ZFR: variants seen among roughly 807,000 people sequenced by gnomAD.
The protein encoded by ZFR is zinc finger RNA-binding protein.
In ZFR, 19 loss-of-function variants were observed where a neutral mutation model predicts 130.7. The ratio of observed to expected loss-of-function variants is 0.15; its 90% confidence interval spans 0.10 to 0.21. The LOEUF is 0.21. ZFR is among the 10% of genes least tolerant of loss of function. The pLI is 1.00. For synonymous variants in ZFR, 466 were observed against 456.9 expected, an observed-to-expected ratio of 1.02 and a Z score of -0.25; for missense variants, 872 against 1,321.5, an observed-to-expected ratio of 0.66 and a Z score of 5.27.
chr5:32,384,528 T>G (rs552311348), intron 15 of ZFR, among the ~76,000 whole-genome samples: 7 of 152,222 alleles, frequency 4.6e-5, no homozygotes, highest in African/African-American at 1.7e-4. Context: ...ATTGAGAGAC[T>G]ACTGATGCTA....
At chr5:32,429,484 A>C (rs192172607) in intron 2 of ZFR, among the ~76,000 whole-genome samples, 121 of 152,306 alleles carry the variant, frequency 7.9e-4, no homozygotes, top group African/African-American at 2.8e-3. Context: ...TCTTAGGCAC[A>C]AGACAGTCTT....
intron 2 of ZFR, among the ~76,000 whole-genome samples, chr5:32,433,975 G>A (rs965028765): frequency 2.0e-5 from 3 of 152,198 alleles, no homozygotes; most frequent in African/African-American, 7.2e-5. Flanking sequence ...AGGCTGAGGA[G>A]GGAGGATCAC....
rs545723194 is a variant in ZFR, at chr5:32,368,824, G to T, written c.2836-4549C>A. Among the ~76,000 whole-genome samples the T allele has an allele frequency of 4.7e-4, 72 of 152,312 alleles. No individual in the cohort carries two copies. In the South Asian group the frequency reaches 0.015, roughly 31 times the overall value. ...CCATTATAATCACATTCTGAAGGTA[G>T]ATATGACTATCATTCCCATTTTACA... On this transcript the variant is annotated intron_variant, in intron 17 of 19. Coordinates refer to ENST00000265069, the MANE Select transcript of ZFR (RefSeq NM_016107.5).
intron 5 of ZFR, among the ~76,000 whole-genome samples, chr5:32,407,490 A>T (rs766969232): frequency 6.6e-6 from 1 of 151,574 alleles, no homozygotes; most frequent in Non-Finnish European, 1.5e-5. Context: ...AAAGAGATAA[A>T]AGAAGAGGAA....
At position 32,400,047 on chromosome 5, in the gene ZFR, T is replaced by C. The variant is rs1489041793; in HGVS notation, c.1673A>G (p.Gln558Arg). The C allele has an allele frequency of 1.2e-6, 2 of 1,612,804 alleles. No individual in the cohort carries two copies. The highest frequency in any genetic ancestry group is 1.7e-6 in the Non-Finnish European group (2 of 1,179,380). ...PVTPASLAAL[Q>R]SDVQPVGHDY... ...ATGGCCCACTGGCTGCACATCACTC[T>C]GTAAAGCAGCAAGAGATGCAGGTGT... The change falls in exon 9 of 20, where the codon CAG (glutamine) becomes CGG (arginine). Residue 558 changes from glutamine (Q) to arginine (R), a missense_variant. Gln to Arg is a conservative substitution (Grantham distance 43). Transcript: ENST00000265069.
intron 15 of ZFR, 52 bp downstream of exon 15, chr5:32,385,456 A>C: frequency 2.5e-6 from 4 of 1,598,086 alleles, no homozygotes; most frequent in Non-Finnish European, 2.6e-6. Flanking sequence ...TAAAGAGTAG[A>C]TAAATGAAAA....
rs114515443 is a variant in ZFR, at chr5:32,426,562, A to C, written c.138-6459T>G. On this transcript the variant is annotated intron_variant, in intron 2 of 19. Coordinates refer to ENST00000265069, the MANE Select transcript of ZFR (RefSeq NM_016107.5). Reference sequence around the variant, plus strand: ...TGCTTTTACTGCTTCTATTCAACACAGTACTTAAGTTCCAGCCAAAGCAAT... The same window carrying C: ...TGCTTTTACTGCTTCTATTCAACACCGTACTTAAGTTCCAGCCAAAGCAAT... 5.5e-3 allele frequency among the ~76,000 whole-genome samples: 841 copies of C among 152,334 alleles called. 5 individuals are homozygous for C. The highest frequency in any genetic ancestry group is 0.02 in the African/African-American group (812 of 41,578).
At chr5:32,434,582 C>G (rs1468305888) in intron 2 of ZFR, among the ~76,000 whole-genome samples, 1 of 152,182 alleles carries the variant, frequency 6.6e-6, no homozygotes, top group Non-Finnish European at 1.5e-5. Context: ...CTGTACCACC[C>G]TTGTAGGTGA....
chr5:32,438,631 A>G (rs994040923), intron 2 of ZFR, among the ~76,000 whole-genome samples: 7 of 152,206 alleles, frequency 4.6e-5, no homozygotes, highest in African/African-American at 1.4e-4. Flanking sequence ...CCTGACAAGC[A>G]TAACAATCAT....
At chr5:32,399,479 C>T (rs1290131395) in intron 9 of ZFR, among the ~76,000 whole-genome samples, 3 of 152,158 alleles carry the variant, frequency 2.0e-5, no homozygotes, top group African/African-American at 7.2e-5. Context: ...TGTCTTTCTG[C>T]TAACAGCAGG....
intron 19 of ZFR, among the ~76,000 whole-genome samples, chr5:32,359,201 C>CA (rs1239715315): frequency 1.3e-5 from 2 of 151,942 alleles, no homozygotes; most frequent in Non-Finnish European, 2.9e-5. Flanking sequence ...AAAATAAAAC[C>CA]AAAAAACCCC....
chr5:32,397,310 C>T lies in ZFR; in HGVS notation c.1742G>A (p.Arg581Gln). The change falls in exon 10 of 20, where the codon CGG becomes CAG. Residue 581 changes from arginine (R) to glutamine (Q), a missense_variant. Physicochemically the swap from Arg to Gln is conservative, Grantham distance 43. Around this residue, in one of 7 missense-constraint regions of ZFR, gnomAD observed 54 missense variants for 119.9 expected, o/e 0.45. Coordinates refer to ENST00000265069, the MANE Select transcript of ZFR (RefSeq NM_016107.5). ...GCACTCGCATAATTTACAATGGAAC[C>T]GAATTACTTTTCCTTCATCATTTCG... ...EVRNDEGKVI[R>Q]FHCKLCECSF... is the part of the protein sequence containing the mutation. The T allele has an allele frequency of 3.1e-6, 5 of 1,612,554 alleles. No individual in the cohort carries two copies. The highest frequency in any genetic ancestry group is 4.2e-6 in the Non-Finnish European group (5 of 1,179,338).
intron 2 of ZFR, among the ~76,000 whole-genome samples, chr5:32,434,298 A>AT (rs1443379964): frequency 1.3e-5 from 2 of 152,176 alleles, no homozygotes; most frequent in African/African-American, 4.8e-5. Context: ...GTAGCCTGAG[A>AT]TTTTCTGCTT....
In ZFR at chr5:32,420,069, G is replaced by A; in HGVS notation, c.172C>T (p.Pro58Ser). The change falls in exon 3 of 20, where the codon CCA becomes TCA. Residue 58 changes from proline (P) to serine (S), a missense_variant. Transcript: ENST00000265069. Reference protein sequence around the residue: ...QPASGVAYSHPTTVASYTVHQ... With the variant: ...QPASGVAYSHSTTVASYTVHQ... ...ACAGTGTAGCTAGCAACTGTAGTTG[G>A]ATGAGAATAGGCTACACCCGAAGCT... 1.9e-6 allele frequency: 3 copies of A among 1,609,520 alleles called. No homozygotes were observed. Among genetic ancestry groups the A allele is most frequent in the Non-Finnish European group, 2.5e-6 (3 of 1,177,234 alleles).
intron 5 of ZFR, among the ~76,000 whole-genome samples, chr5:32,407,901 C>T (rs1334955717): frequency 6.6e-6 from 1 of 152,060 alleles, no homozygotes; most frequent in African/African-American, 2.4e-5. Context: ...GCCACGTTGC[C>T]TAGGCCAGAC....
At chr5:32,402,359 C>T (rs1753469892) in intron 8 of ZFR, among the ~76,000 whole-genome samples, 1 of 152,154 alleles carries the variant, frequency 6.6e-6, no homozygotes, top group Non-Finnish European at 1.5e-5. Context: ...AAACTGAAAA[C>T]TGGCCACTGG....
intron 11 of ZFR, among the ~76,000 whole-genome samples, chr5:32,394,084 GAA>G (rs1406740430): frequency 6.6e-6 from 1 of 152,138 alleles, no homozygotes; most frequent in African/African-American, 2.4e-5. Flanking sequence ...GTATGTAAAT[GAA>G]AAAAGTGGAT....
At chr5:32,391,326 C>T (rs150944702) in intron 11 of ZFR, among the ~76,000 whole-genome samples, 35 of 152,240 alleles carry the variant, frequency 2.3e-4, no homozygotes, top group Admixed American at 9.8e-4. Flanking sequence ...GGTCTTGTAA[C>T]GTAACCCCCT....
intron 8 of ZFR, among the ~76,000 whole-genome samples, chr5:32,401,176 CTACTTT>C (rs935324360): frequency 6.6e-6 from 1 of 152,198 alleles, no homozygotes; most frequent in Non-Finnish European, 1.5e-5. Context: ...TGTGAATCTC[CTACTTT>C]TAAACTTTTC....
Sources: gnomAD v4.1 joint callset for allele counts (sites outside exome capture counted in the v4.1 genomes callset) on GRCh38, gnomAD v4.1.1 for gene constraint, gnomAD v4.1.1 regional missense constraint, MANE v1.5 for transcripts, NCBI Gene and HGNC (gene_info 2026-07-23, HGNC 2026-07-21) for gene names.